Variants in PLCE1 observed in about 807,000 individuals in gnomAD.
PLCE1 encodes phospholipase C epsilon 1.
Under a neutral mutation model 242.8 loss-of-function variants are expected in PLCE1, and 119 were observed. The observed-to-expected ratio is 0.49, with a 90% CI of 0.42 to 0.57. PLCE1 has a LOEUF of 0.57. Among genes scored for constraint, PLCE1 ranks in the 20% least tolerant of loss-of-function variants. The pLI, the probability that PLCE1 is intolerant of heterozygous loss-of-function variation, is 0.00. For missense variants in PLCE1, 2,441 were observed against 2,788.8 expected (o/e 0.88, Z 2.81); for synonymous variants, 945 against 1,017.4 (o/e 0.93, Z 1.35).
At position 94,258,892 on chromosome 10, in the gene PLCE1, T is replaced by C; in HGVS notation, c.3647T>C (p.Val1216Ala). ...GTTTCAGATAGCAACATGAGTTTTG[T>C]TGAATTTGTTGAGCTGTTCAAATCA... is the stretch of plus-strand genomic sequence containing the variant. ...FMVSDSNMSF[V>A]EFVELFKSFS... The change falls in exon 12 of 33, where the codon GTT (valine) becomes GCT (alanine). Residue 1216 changes from valine (V) to alanine (A), a missense_variant. By Grantham distance (64) the Val-to-Ala change is moderately conservative. This residue lies in a region of PLCE1 where 1,004 missense variants were observed against 1,322.7 expected (regional missense o/e 0.76). Transcript: ENST00000371380. 6.2e-7 allele frequency: 1 copy of C among 1,614,164 alleles called. No individual in the cohort carries two copies. The highest frequency in any genetic ancestry group is 8.5e-7 in the Non-Finnish European group (1 of 1,179,996).
chr10:94,248,089 C>G (rs1356474533), intron 8 of PLCE1, among the ~76,000 whole-genome samples: 4 of 152,220 alleles, frequency 2.6e-5, no homozygotes, highest in African/African-American at 9.6e-5. Flanking sequence ...TAATACATTT[C>G]TGACAATTAA....
At chr10:94,326,253 T>C (rs183418042) in intron 32 of PLCE1, among the ~76,000 whole-genome samples, 1 of 152,314 alleles carries the variant, frequency 6.6e-6, no homozygotes, top group South Asian at 2.1e-4. Context: ...ACTTCTGATA[T>C]AAAACTGCCA....
intron 1 of PLCE1, among the ~76,000 whole-genome samples, chr10:94,008,084 C>G: frequency 6.7e-6 from 1 of 150,216 alleles, no homozygotes; most frequent in Non-Finnish European, 1.5e-5. Flanking sequence ...CCTACCTACA[C>G]GAGAGGCTGA....
At chr10:94,080,261 C>G (rs972030306) in intron 2 of PLCE1, among the ~76,000 whole-genome samples, 2 of 152,182 alleles carry the variant, frequency 1.3e-5, no homozygotes, top group African/African-American at 4.8e-5. Flanking sequence ...CTCCTCTCTG[C>G]CTCAGGCCCT....
intron 8 of PLCE1, among the ~76,000 whole-genome samples, chr10:94,246,936 A>AC (rs1391806009): frequency 1.3e-5 from 2 of 152,130 alleles, no homozygotes; most frequent in East Asian, 3.9e-4. Flanking sequence ...ACATGGTGAA[A>AC]CCCCGTCTCT....
At chr10:94,258,992 G>T in intron 12 of PLCE1, 22 bp from the exon 13 acceptor site, 1 of 1,614,012 alleles carries the variant, frequency 6.2e-7, no homozygotes, top group Non-Finnish European at 8.5e-7. Flanking sequence ...TCAATGAGAG[G>T]TGTTTTCCAT....
chr10:94,277,785 GA>G (rs371531373), intron 19 of PLCE1, among the ~76,000 whole-genome samples: 2 of 152,098 alleles, frequency 1.3e-5, no homozygotes, highest in Non-Finnish European at 2.9e-5. Context: ...AAAGACAGGG[GA>G]AAAAAATTTC....
chr10:94,125,478 C>T (rs1199709783), intron 2 of PLCE1, among the ~76,000 whole-genome samples: 3 of 152,040 alleles, frequency 2.0e-5, no homozygotes, highest in South Asian at 2.1e-4. Context: ...CTGCAAGCTC[C>T]GCCTCCTGGG....
chr10:94,077,453 T>C (rs188391839), intron 2 of PLCE1, among the ~76,000 whole-genome samples: 1 of 152,186 alleles, frequency 6.6e-6, no homozygotes. Context: ...CCTATGTTAA[T>C]GTTTTCCTAC....
intron 4 of PLCE1, among the ~76,000 whole-genome samples, chr10:94,206,826 A>G (rs1399504965): frequency 6.6e-6 from 1 of 152,172 alleles, no homozygotes; most frequent in Admixed American, 6.6e-5. Context: ...GTTGTATTGA[A>G]AGTGTCCCCA....
At chr10:94,080,029 T>A (rs2044611649) in intron 2 of PLCE1, among the ~76,000 whole-genome samples, 1 of 152,224 alleles carries the variant, frequency 6.6e-6, no homozygotes, top group Non-Finnish European at 1.5e-5. Context: ...AGTTAACTAC[T>A]CCTGTTATTT....
At chr10:93,996,887 G>T (rs888279887) in intron 1 of PLCE1, among the ~76,000 whole-genome samples, 1 of 152,176 alleles carries the variant, frequency 6.6e-6, no homozygotes, top group Non-Finnish European at 1.5e-5. Flanking sequence ...TGCAGATATA[G>T]AACATTTTCA....
chr10:94,318,448 A>G (rs1392250457), intron 29 of PLCE1, among the ~76,000 whole-genome samples: 1 of 152,258 alleles, frequency 6.6e-6, no homozygotes, highest in Non-Finnish European at 1.5e-5. Context: ...AAAGCCCTCA[A>G]ACACTATGTT....
chr10:94,180,062 T>C (rs1049349773), intron 4 of PLCE1, among the ~76,000 whole-genome samples: 4 of 151,936 alleles, frequency 2.6e-5, no homozygotes, highest in African/African-American at 9.7e-5. Flanking sequence ...AGAGACTAAA[T>C]GAATGACCTG....
At chr10:94,266,516 T>A (rs2051523187) in intron 16 of PLCE1, among the ~76,000 whole-genome samples, 1 of 152,208 alleles carries the variant, frequency 6.6e-6, no homozygotes, top group Non-Finnish European at 1.5e-5. Flanking sequence ...ACTCAGTAGG[T>A]TCTCTAGACT....
intron 9 of PLCE1, among the ~76,000 whole-genome samples, chr10:94,253,521 T>A (rs1244120448): frequency 6.6e-6 from 1 of 152,038 alleles, no homozygotes; most frequent in Non-Finnish European, 1.5e-5. Context: ...GCCTGGCTAA[T>A]TTTTTTTATT....
At chr10:94,223,585 A>T (rs1192743061) in intron 4 of PLCE1, among the ~76,000 whole-genome samples, 1 of 152,176 alleles carries the variant, frequency 6.6e-6, no homozygotes, top group African/African-American at 2.4e-5. Context: ...TGAGAAAAGC[A>T]AAAGGAAGGA....
rs757795778 is a variant in PLCE1 at position 94,259,041 on chromosome 10, T to G, written c.3705T>G (p.Asp1235Glu). 17 of 1,613,944 alleles carry G rather than the reference T, an allele frequency of 1.1e-5. No individual in the cohort carries two copies. Among genetic ancestry groups the G allele is most frequent in the Non-Finnish European group, 1.4e-5 (17 of 1,179,984 alleles). The change falls in exon 13 of 33, where the codon GAT (aspartate) becomes GAG (glutamate). Residue 1235 changes from aspartate (D) to glutamate (E), a missense_variant. By Grantham distance (45) the Asp-to-Glu change is conservative (BLOSUM62 2). Transcript: ENST00000371380. Reference protein sequence around the residue: ...FSVRSRKDLKDLFDVYAVPCN... With the variant: ...FSVRSRKDLKELFDVYAVPCN... ...TCAGGAGCCGCAAGGACCTGAAGGA[T>G]CTGTTTGATGTCTATGCAGTGCCCT...
In PLCE1 at chr10:94,010,385, C is replaced by A. The variant is rs558836346; in HGVS notation, c.-365+16127C>A. Reference sequence around the variant, plus strand: ...GGGGCAGCTTGGAAGATCTGAAATGCCTTCAAGGCCTTTTTCCTGTTGTCT... The same window carrying A: ...GGGGCAGCTTGGAAGATCTGAAATGACTTCAAGGCCTTTTTCCTGTTGTCT... On this transcript the variant is annotated intron_variant, in intron 1 of 32. Coordinates refer to ENST00000371380, the MANE Select transcript of PLCE1 (RefSeq NM_016341.4). 6.7e-4 allele frequency among the ~76,000 whole-genome samples: 102 copies of A among 152,314 alleles called. 1 individual carries two copies. Among genetic ancestry groups the A allele is most frequent in the African/African-American group, 2.2e-3 (92 of 41,568 alleles).
Sources: gnomAD v4.1 joint callset for allele counts (sites outside exome capture counted in the v4.1 genomes callset) on GRCh38, gnomAD v4.1.1 for gene constraint, gnomAD v4.1.1 regional missense constraint, MANE v1.5 for transcripts, NCBI Gene and HGNC (gene_info 2026-07-23, HGNC 2026-07-21) for gene names.